Variants in ANTXR1 observed in about 807,000 individuals in gnomAD.
The protein encoded by ANTXR1 is ANTXR cell adhesion molecule 1.
ANTXR1 carries 19 observed loss-of-function variants against 78.1 expected under a neutral mutation model. The observed-to-expected ratio is 0.24, with a 90% CI of 0.17 to 0.36. The LOEUF is 0.36. Among genes scored for constraint, ANTXR1 ranks in the 10% least tolerant of loss-of-function variants. ANTXR1 has a pLI of 1.00. For missense variants in ANTXR1, 518 were observed against 718.6 expected (o/e 0.72, Z 3.19); for synonymous variants, 273 against 260.5 (o/e 1.05, Z -0.46).
intron 12 of ANTXR1, among the ~76,000 whole-genome samples, chr2:69,137,364 T>A (rs1049690905): frequency 3.2e-4 from 49 of 152,102 alleles, no homozygotes; most frequent in African/African-American, 1.2e-3. Context: ...GGATTCCTAG[T>A]CTCTAAGAAC....
chr2:69,209,060 G>A (rs1009093654), intron 17 of ANTXR1, among the ~76,000 whole-genome samples: 14 of 117,086 alleles, frequency 1.2e-4, no homozygotes, highest in Non-Finnish European at 1.9e-4. Flanking sequence ...CTGCTACCAC[G>A]TTGTTTTATT....
intron 12 of ANTXR1, among the ~76,000 whole-genome samples, chr2:69,126,791 A>G (rs1397799645): frequency 6.6e-6 from 1 of 152,218 alleles, no homozygotes; most frequent in Non-Finnish European, 1.5e-5. Context: ...GAGTCCCACT[A>G]CACCTTCCCA....
At chr2:69,141,072 G>A (rs1673055142) in intron 12 of ANTXR1, among the ~76,000 whole-genome samples, 1 of 152,190 alleles carries the variant, frequency 6.6e-6, no homozygotes, top group Admixed American at 6.5e-5. Context: ...CTTGACACAT[G>A]GATGGCAATC....
At chr2:69,133,886 G>C (rs750708526) in intron 12 of ANTXR1, among the ~76,000 whole-genome samples, 2 of 152,214 alleles carry the variant, frequency 1.3e-5, no homozygotes, top group Non-Finnish European at 2.9e-5. Flanking sequence ...TTTGGGATCA[G>C]ATCAATGTGG....
intron 17 of ANTXR1, among the ~76,000 whole-genome samples, chr2:69,199,917 G>T (rs1405275951): frequency 6.6e-6 from 1 of 152,148 alleles, no homozygotes; most frequent in African/African-American, 2.4e-5. Context: ...GCTTTTAACA[G>T]TCCCTTTCCT....
At chr2:69,103,261 C>T (rs1375972731) in intron 10 of ANTXR1, 11 of 402,902 alleles carry the variant, frequency 2.7e-5, no homozygotes, top group South Asian at 2.3e-4. Flanking sequence ...CACTGGTTTC[C>T]TTGTCCCCTG....
At chr2:69,153,996 A>G (rs1178089263) in intron 13 of ANTXR1, among the ~76,000 whole-genome samples, 1 of 152,244 alleles carries the variant, frequency 6.6e-6, no homozygotes, top group Non-Finnish European at 1.5e-5. Context: ...GTGCTTAGAA[A>G]GCACCTAACA....
chr2:69,013,734 C>A lies in ANTXR1; in HGVS notation c.152+83C>A. On this transcript the variant is annotated intron_variant, in intron 1 of 17. Transcript: ENST00000303714. The surrounding 1 kb of genome is among the most constrained non-coding windows in gnomAD (Gnocchi z 5.0). Reference sequence around the variant, plus strand: ...CCCGGGCCGGGCTCGTTGGCAGGGTCGCCTGGGGACAGGAGCGCATCTCCA... The same window carrying A: ...CCCGGGCCGGGCTCGTTGGCAGGGTAGCCTGGGGACAGGAGCGCATCTCCA... The A allele has an allele frequency of 1.3e-6, 2 of 1,547,398 alleles. No homozygotes were observed. Among genetic ancestry groups the A allele is most frequent in the South Asian group, 2.4e-5 (2 of 83,828 alleles).
intron 10 of ANTXR1, among the ~76,000 whole-genome samples, chr2:69,121,972 A>G (rs1672361319): frequency 1.3e-5 from 2 of 152,216 alleles, no homozygotes; most frequent in Non-Finnish European, 2.9e-5. Flanking sequence ...CTACTCCAAG[A>G]GTCCCCGACT....
At chr2:69,213,007 A>G (rs1310575585) in intron 17 of ANTXR1, among the ~76,000 whole-genome samples, 6 of 125,520 alleles carry the variant, frequency 4.8e-5, no homozygotes, top group African/African-American at 6.3e-5. Flanking sequence ...GGGTCTCACT[A>G]TGGTGTCCAG....
chr2:69,164,498 C>G (rs1286241613), intron 13 of ANTXR1, among the ~76,000 whole-genome samples: 2 of 152,198 alleles, frequency 1.3e-5, no homozygotes, highest in African/African-American at 4.8e-5. Context: ...GTAACAAACA[C>G]TAAGCTGTGT....
chr2:69,186,259 T>C (rs965173905), intron 16 of ANTXR1, among the ~76,000 whole-genome samples: 3 of 152,230 alleles, frequency 2.0e-5, no homozygotes, highest in African/African-American at 7.2e-5. Context: ...ACAAGAAGGA[T>C]AGAAGCACAG....
At chr2:69,222,640 G>A (rs572006035) in intron 17 of ANTXR1, among the ~76,000 whole-genome samples, 1 of 152,338 alleles carries the variant, frequency 6.6e-6, no homozygotes, top group East Asian at 1.9e-4. Flanking sequence ...GGAGTCACTG[G>A]ATGGTGAAGA....
intron 10 of ANTXR1, among the ~76,000 whole-genome samples, chr2:69,118,686 C>T (rs1672236887): frequency 6.6e-6 from 1 of 152,294 alleles, no homozygotes; most frequent in East Asian, 1.9e-4. Context: ...ACACCACTGG[C>T]TTTGGCACAC....
intron 9 of ANTXR1, 108 bp downstream of exon 9, chr2:69,091,027 G>C: frequency 1.7e-6 from 2 of 1,182,632 alleles, no homozygotes; most frequent in Non-Finnish European, 2.5e-6. Context: ...AACAGGAAGG[G>C]GTAGGGTGAA....
intron 1 of ANTXR1, among the ~76,000 whole-genome samples, chr2:69,032,798 G>A (rs1671567038): frequency 1.3e-5 from 2 of 152,100 alleles, no homozygotes; most frequent in African/African-American, 4.8e-5. Flanking sequence ...AAAAGGCAGA[G>A]TGGAGTTGAA....
At chr2:69,151,857 G>A (rs188056242) in intron 12 of ANTXR1, among the ~76,000 whole-genome samples, 62 of 152,298 alleles carry the variant, frequency 4.1e-4, no homozygotes, top group Non-Finnish European at 6.9e-4. Context: ...GTGTTCCAGG[G>A]GGCCAGATGA....
chr2:69,168,049 A>G (rs1673875435), intron 13 of ANTXR1, among the ~76,000 whole-genome samples: 2 of 152,146 alleles, frequency 1.3e-5, no homozygotes, highest in African/African-American at 4.8e-5. Context: ...GTGGCCAGGC[A>G]TACTGCTACT....
intron 16 of ANTXR1, among the ~76,000 whole-genome samples, chr2:69,189,270 G>T (rs575552031): frequency 2.6e-5 from 4 of 152,154 alleles, no homozygotes; most frequent in African/African-American, 9.7e-5. Context: ...CAGCTCACCC[G>T]GATCAAGCAT....
Sources: gnomAD v4.1 joint callset for allele counts (sites outside exome capture counted in the v4.1 genomes callset) on GRCh38, gnomAD v4.1.1 for gene constraint, Gnocchi (gnomAD v3.1) non-coding constraint, MANE v1.5 for transcripts, NCBI Gene and HGNC (gene_info 2026-07-23, HGNC 2026-07-21) for gene names.